The following CAMK1D variants were observed in gnomAD, a reference collection of about 807,000 sequenced individuals.
CAMK1D encodes calcium/calmodulin-dependent protein kinase type 1D.
A neutral mutation model predicts 47.7 loss-of-function variants in CAMK1D; 9 were observed. The ratio of observed to expected loss-of-function variants is 0.19; its 90% confidence interval spans 0.11 to 0.33. The LOEUF (loss-of-function observed/expected upper bound fraction) is 0.33. Ranked by LOEUF, CAMK1D falls within the 10% of genes least tolerant of loss-of-function variation. The probability of loss-of-function intolerance (pLI) is 1.00; values close to 1 mark genes in which losing one functional copy is unlikely to be tolerated. For synonymous variants in CAMK1D, 184 were observed against 184.9 expected (o/e 0.99, Z 0.04); for missense variants, 291 against 488.7 (o/e 0.60, Z 3.81).
intron 1 of CAMK1D, among the ~76,000 whole-genome samples, chr10:12,448,665 T>C (rs759499649): frequency 3.6e-4 from 55 of 152,240 alleles, no homozygotes; most frequent in Non-Finnish European, 7.3e-4. Context: ...TTTTTCGACA[T>C]CAGATATGTT....
At chr10:12,623,165 T>TCCC (rs1839064457) in intron 2 of CAMK1D, among the ~76,000 whole-genome samples, 2 of 3,056 alleles carry the variant, frequency 6.5e-4, no homozygotes, top group African/African-American at 1.0e-3. Flanking sequence ...CCCTCCTTTC[T>TCCC]TTCCTTCCTC....
Position 12,667,008 on chromosome 10 carries a change from C to G in CAMK1D, c.299+198C>G, listed in dbSNP as rs1213330446. 1.9e-5 allele frequency: 11 copies of G among 566,972 alleles called. No individual in the cohort carries two copies. The East Asian group carries it at 3.1e-4, about 16-fold the overall frequency. The allele number at this position is 566,972 out of a possible 1,614,324, so 35.1% of individuals were successfully genotyped here. A position where few individuals can be genotyped will look rare whatever the true frequency, so the allele number is the denominator to read the frequency against. On this transcript the variant is annotated intron_variant, in intron 3 of 10. Transcript: ENST00000619168. ...CAGGCGTCTACAGGCCTCCCTTGCACCAGCCTGCACTGCTGGGCTGGACTG... is the reference window on the plus strand; with the variant it reads ...CAGGCGTCTACAGGCCTCCCTTGCAGCAGCCTGCACTGCTGGGCTGGACTG...
At chr10:12,497,443 C>A (rs1834574926) in intron 1 of CAMK1D, among the ~76,000 whole-genome samples, 1 of 146,946 alleles carries the variant, frequency 6.8e-6, no homozygotes, top group African/African-American at 2.5e-5. Flanking sequence ...CGCCACTGCA[C>A]CTCAGCCTGG....
chr10:12,615,518 G>C (rs4750243), intron 2 of CAMK1D, among the ~76,000 whole-genome samples: 12,697 of 151,114 alleles, frequency 0.084, 715 homozygotes, highest in Middle Eastern at 0.13. Context: ...TTATGTGTGT[G>C]TATATCGGTG....
chr10:12,451,971 G>T (rs1833095765), intron 1 of CAMK1D, among the ~76,000 whole-genome samples: 1 of 152,182 alleles, frequency 6.6e-6, no homozygotes, highest in South Asian at 2.1e-4. Flanking sequence ...TGTGCTGGGG[G>T]CCGCCTCCTT....
At position 12,688,975 on chromosome 10, in the gene CAMK1D, G is replaced by A. The variant is rs552297640; in HGVS notation, c.299+22165G>A. Among the ~76,000 whole-genome samples, 6 of 152,334 alleles carry A rather than the reference G, an allele frequency of 3.9e-5. No individual in the cohort carries two copies. In the South Asian group the frequency reaches 6.2e-4, roughly 16 times the overall value. The stretch of plus-strand genomic sequence containing the variant: ...CGGGATTATAGGCGTGAGCCACCAC[G>A]CCCAGCCCATTCTTTCAGATTTTTG... On this transcript the variant is annotated intron_variant, in intron 3 of 10. Coordinates refer to ENST00000619168, the MANE Select transcript of CAMK1D (RefSeq NM_153498.4).
Position 12,401,149 on chromosome 10 carries a change from TTTA to T in CAMK1D, c.92+51241_92+51243del, listed in dbSNP as rs1202258074. On this transcript the variant is annotated intron_variant, in intron 1 of 10. Coordinates refer to ENST00000619168, the MANE Select transcript of CAMK1D (RefSeq NM_153498.4). ...TGTATTATATATATTATATATATAT[TTTA>T]TATATATATAATATATGTATTATAT... is the stretch of plus-strand genomic sequence containing the variant. 8.3e-4 allele frequency among the ~76,000 whole-genome samples: 53 copies of T among 64,128 alleles called. 1 individual carries two copies. Among genetic ancestry groups the T allele is most frequent in the African/African-American group, 3.4e-3 (49 of 14,552 alleles). The allele number at this position is 64,128 out of a possible 152,430, so 42.1% of individuals were successfully genotyped here. A position where few individuals can be genotyped will look rare whatever the true frequency, so the allele number is the denominator to read the frequency against.
At position 12,829,220 on chromosome 10, in the gene CAMK1D, G is replaced by GT. The variant is rs200745737; in HGVS notation, c.*339dup. 2,459 of 189,004 alleles carry GT rather than the reference G, an allele frequency of 0.013. 63 individuals are homozygous for GT. Among genetic ancestry groups the GT allele is most frequent in the African/African-American group, 0.055 (2,273 of 41,682 alleles). 11.7% of individuals were successfully genotyped at this position (189,004 alleles called of 1,614,324 possible). A position where few individuals can be genotyped will look rare whatever the true frequency, so the allele number is the denominator to read the frequency against. ...CAGTGTAGGTAACCGTCTATGGTGT[G>GT]TTTTTTCATTAATGACAAAAAAAAA... On this transcript the variant is annotated 3_prime_UTR_variant, in exon 11 of 11. Coordinates refer to ENST00000619168, the MANE Select transcript of CAMK1D (RefSeq NM_153498.4).
chr10:12,827,326 C>CTTTCTTTCTG lies in CAMK1D; in HGVS notation c.1040-1442_1040-1441insTTCTTTCTGT, dbSNP rs1564593755. On this transcript the variant is annotated intron_variant, in intron 10 of 10. Transcript: ENST00000619168. ...CTCTCTTTTTCTTTTCTTTCTTTCT[C>CTTTCTTTCTG]TCTCTTCTCTTCCTTCCTTCCTTCT... Among the ~76,000 whole-genome samples the CTTTCTTTCTG allele has an allele frequency of 1.0e-3, 14 of 13,628 alleles. No individual in the cohort carries two copies. The East Asian group carries it at 0.025, about 24-fold the overall frequency. The allele number at this position is 13,628 out of a possible 152,430, so 8.9% of individuals were successfully genotyped here.
rs887114934 is a variant in CAMK1D at position 12,791,325 on chromosome 10, G to A, written c.641+92G>A. On this transcript the variant is annotated intron_variant, in intron 6 of 10. Transcript: ENST00000619168. ...GAAACAAAATTTACCATTTTTAAGG[G>A]TACAGTTTAAGGGTGCAGTTCAGGG... 32 of 1,192,288 alleles carry A rather than the reference G, an allele frequency of 2.7e-5. No individual in the cohort carries two copies. In the Admixed American group the frequency reaches 5.5e-4, roughly 20 times the overall value. The allele number at this position is 1,192,288 out of a possible 1,614,324, so 73.9% of individuals were successfully genotyped here.
intron 1 of CAMK1D, among the ~76,000 whole-genome samples, chr10:12,353,342 C>T (rs1434545121): frequency 4.9e-4 from 75 of 152,180 alleles, no homozygotes; most frequent in Non-Finnish European, 1.5e-5. Flanking sequence ...GGGCTGTCAG[C>T]TCACAATGTT....
chr10:12,557,434 C>G (rs903278816), intron 2 of CAMK1D, among the ~76,000 whole-genome samples: 2 of 151,624 alleles, frequency 1.3e-5, no homozygotes, highest in Non-Finnish European at 2.9e-5. Flanking sequence ...CGCCTGTAGT[C>G]CCAGCTACTC....
chr10:12,813,092 TC>T (rs776471872), intron 6 of CAMK1D, among the ~76,000 whole-genome samples: 6 of 152,230 alleles, frequency 3.9e-5, no homozygotes, highest in Non-Finnish European at 7.3e-5. Context: ...ATGCCTGTTG[TC>T]CCACCAGAAC....
intron 3 of CAMK1D, among the ~76,000 whole-genome samples, chr10:12,731,150 A>G (rs758018739): frequency 4.6e-5 from 7 of 152,210 alleles, no homozygotes; most frequent in Admixed American, 2.0e-4. Context: ...AGGCAGTGCT[A>G]TCAAAGAAAG....
chr10:12,486,738 T>G (rs1834230709), intron 1 of CAMK1D, among the ~76,000 whole-genome samples: 1 of 152,330 alleles, frequency 6.6e-6, no homozygotes, highest in South Asian at 2.1e-4. Flanking sequence ...TTACAGGCAG[T>G]GAGCCAGAGG....
chr10:12,370,751 G>A (rs1837978744), intron 1 of CAMK1D, among the ~76,000 whole-genome samples: 1 of 152,156 alleles, frequency 6.6e-6, no homozygotes, highest in African/African-American at 2.4e-5. Context: ...TGGGACTACA[G>A]GCATGCGCCA....
At chr10:12,675,696 G>C (rs997437053) in intron 3 of CAMK1D, among the ~76,000 whole-genome samples, 2 of 151,962 alleles carry the variant, frequency 1.3e-5, no homozygotes, top group African/African-American at 2.4e-5. Flanking sequence ...ATCTTATCAC[G>C]CCTTTGTTGA....
At chr10:12,458,151 T>C (rs1833312946) in intron 1 of CAMK1D, among the ~76,000 whole-genome samples, 1 of 152,204 alleles carries the variant, frequency 6.6e-6, no homozygotes, top group African/African-American at 2.4e-5. Context: ...AATCTGCAAA[T>C]GCATACCGAG....
At chr10:12,751,524 C>T (rs1311036124) in intron 3 of CAMK1D, among the ~76,000 whole-genome samples, 2 of 152,216 alleles carry the variant, frequency 1.3e-5, no homozygotes, top group Admixed American at 6.5e-5. Flanking sequence ...GCCCTGCCTT[C>T]GTGGAGTTCA....
Sources: gnomAD v4.1 joint callset for allele counts (sites outside exome capture counted in the v4.1 genomes callset) on GRCh38, gnomAD v4.1.1 for gene constraint, MANE v1.5 for transcripts, NCBI Gene and HGNC (gene_info 2026-07-23, HGNC 2026-07-21) for gene names.